The following SPAG16 variants were observed in gnomAD, a reference collection of about 807,000 sequenced individuals.
SPAG16 encodes sperm associated antigen 16.
A neutral mutation model predicts 80.4 loss-of-function variants in SPAG16; 86 were observed. The ratio of observed to expected loss-of-function variants is 1.07; its 90% CI spans 0.90 to 1.28. The LOEUF is 1.28. Ranked by LOEUF, SPAG16 falls within the 50% of genes most tolerant of loss-of-function variation. The pLI, the probability that SPAG16 is intolerant of heterozygous loss-of-function variation, is 0.00. For synonymous variants in SPAG16, 294 were observed against 265.9 expected (o/e 1.11, Z -1.03); for missense variants, 870 against 765.3 (o/e 1.14, Z -1.61).
chr2:214,148,456 A>G (rs2055773942), intron 14 of SPAG16, among the ~76,000 whole-genome samples: 1 of 152,016 alleles, frequency 6.6e-6, no homozygotes, highest in Admixed American at 6.6e-5. Flanking sequence ...TTATCCAATT[A>G]CCTTCTTCCT....
chr2:213,761,906 A>C (rs113291891), intron 10 of SPAG16, among the ~76,000 whole-genome samples: 6,108 of 150,790 alleles, frequency 0.041, 390 homozygotes, highest in African/African-American at 0.14. Flanking sequence ...ACAAAAAAAA[A>C]CCCTACAGAC....
chr2:214,291,669 A>C (rs2125932015), intron 15 of SPAG16, among the ~76,000 whole-genome samples: 1 of 152,292 alleles, frequency 6.6e-6, no homozygotes, highest in African/African-American at 2.4e-5. Context: ...TAATCCATTT[A>C]CATTCAAGGT....
At chr2:213,490,216 A>AATTT in intron 10 of SPAG16, 126 bp downstream of exon 10, 2 of 888,050 alleles carry the variant, frequency 2.3e-6, no homozygotes, top group Non-Finnish European at 3.3e-6. Flanking sequence ...TACTCATAGC[A>AATTT]TGAAAGAATC....
Position 214,098,138 on chromosome 2 carries a change from T to C in SPAG16, c.1528-10058T>C, listed in dbSNP as rs186601504. Among the ~76,000 whole-genome samples the C allele has an allele frequency of 1.6e-4, 24 of 152,194 alleles. 1 individual carries two copies. The highest frequency in any genetic ancestry group is 1.2e-3 in the Admixed American group (19 of 15,236). ...TACAACTTTTCATTTTGAGACTGCA[T>C]ATAAGCCCAAAATATATTCATGCAA... On this transcript the variant is annotated intron_variant, in intron 13 of 15. Transcript: ENST00000331683.
intron 10 of SPAG16, among the ~76,000 whole-genome samples, chr2:213,800,306 T>A (rs1353518265): frequency 6.8e-6 from 1 of 146,572 alleles, no homozygotes; most frequent in South Asian, 2.2e-4. Context: ...TTCCCTCCCT[T>A]TCTCCTTCCC....
chr2:214,160,748 C>A (rs1460150302), intron 15 of SPAG16, among the ~76,000 whole-genome samples: 1 of 151,976 alleles, frequency 6.6e-6, no homozygotes, highest in Non-Finnish European at 1.5e-5. Flanking sequence ...CAATTTCTTG[C>A]TTTTTCATTT....
At chr2:213,360,424 C>G (rs192597055) in intron 7 of SPAG16, among the ~76,000 whole-genome samples, 2 of 152,258 alleles carry the variant, frequency 1.3e-5, no homozygotes, top group Admixed American at 1.3e-4. Flanking sequence ...GTGGCCAAAG[C>G]GACTGTCAAA....
intron 10 of SPAG16, among the ~76,000 whole-genome samples, chr2:213,700,671 G>A (rs994444090): frequency 2.6e-5 from 4 of 152,044 alleles, no homozygotes; most frequent in African/African-American, 9.7e-5. Context: ...AATGTGTGAT[G>A]TACCTAATGG....
chr2:214,215,749 T>G (rs1023556753), intron 15 of SPAG16, among the ~76,000 whole-genome samples: 9 of 152,212 alleles, frequency 5.9e-5, no homozygotes, highest in African/African-American at 2.2e-4. Flanking sequence ...CCTCTGTTCC[T>G]TCTGCCAGTT....
At chr2:214,039,333 A>C (rs1365890307) in intron 13 of SPAG16, among the ~76,000 whole-genome samples, 1 of 152,158 alleles carries the variant, frequency 6.6e-6, no homozygotes, top group Non-Finnish European at 1.5e-5. Flanking sequence ...TGGCTGCATA[A>C]ATGTCTTCTT....
intron 14 of SPAG16, among the ~76,000 whole-genome samples, chr2:214,110,380 T>C (rs933502536): frequency 2.7e-5 from 4 of 147,422 alleles, no homozygotes; most frequent in South Asian, 2.3e-4. Flanking sequence ...AGTGAGAACA[T>C]GCGGTGTTTG....
chr2:213,616,128 C>T (rs1423831823), intron 10 of SPAG16, among the ~76,000 whole-genome samples: 1 of 152,170 alleles, frequency 6.6e-6, no homozygotes, highest in African/African-American at 2.4e-5. Flanking sequence ...TTAACAAATG[C>T]TCAAAGCCAT....
At chr2:214,368,984 GC>G (rs1323962600) in intron 15 of SPAG16, among the ~76,000 whole-genome samples, 2 of 151,990 alleles carry the variant, frequency 1.3e-5, no homozygotes, top group South Asian at 4.2e-4. Flanking sequence ...TTTTGGATTT[GC>G]TTCTCACCTT....
chr2:213,720,919 TG>T (rs2066505294), intron 10 of SPAG16, among the ~76,000 whole-genome samples: 1 of 151,528 alleles, frequency 6.6e-6, no homozygotes, highest in Admixed American at 6.6e-5. Flanking sequence ...CTAATTTTTT[TG>T]TATTTTTTAG....
intron 10 of SPAG16, among the ~76,000 whole-genome samples, chr2:213,804,725 CTAACTAA>C (rs2071654263): frequency 7.1e-6 from 1 of 140,260 alleles, no homozygotes; most frequent in African/African-American, 2.5e-5. Context: ...AACTAACTAA[CTAACTAA>C]GATTACGAGA....
At chr2:213,869,693 T>A (rs2075875913) in intron 11 of SPAG16, among the ~76,000 whole-genome samples, 1 of 150,242 alleles carries the variant, frequency 6.7e-6, no homozygotes, top group Non-Finnish European at 1.5e-5. Flanking sequence ...AGGATCATCA[T>A]AGAGAAAAGT....
intron 8 of SPAG16, among the ~76,000 whole-genome samples, chr2:213,370,587 G>A (rs1030868164): frequency 2.8e-4 from 43 of 152,254 alleles, no homozygotes; most frequent in African/African-American, 8.9e-4. Flanking sequence ...ATGTAAGAAA[G>A]CTTAAAGGTT....
At position 213,782,508 on chromosome 2, in the gene SPAG16, T is replaced by C. The variant is rs1208311519; in HGVS notation, c.1071-79977T>C. Among the ~76,000 whole-genome samples the C allele has an allele frequency of 3.3e-5, 5 of 152,224 alleles. No individual in the cohort carries two copies. In the South Asian group the frequency reaches 8.3e-4, roughly 25 times the overall value. On this transcript the variant is annotated intron_variant, in intron 10 of 15. Transcript: ENST00000331683. ...TCAATGAAGTATTTGTTTCAAATAT[T>C]CTTTGATCCCTTTCAAAAAGAAATT...
chr2:213,980,712 G>GTATATATATATATATA (rs1553686607), intron 12 of SPAG16, among the ~76,000 whole-genome samples: 7 of 114,002 alleles, frequency 6.1e-5, no homozygotes, highest in African/African-American at 1.9e-4. Flanking sequence ...GTGTGTGTGT[G>GTATATATATATATATA]TATATATATA....
Sources: allele counts gnomAD v4.1 joint callset (sites outside exome capture counted in the v4.1 genomes callset), GRCh38; gene constraint gnomAD v4.1.1; transcripts MANE v1.5; gene names NCBI Gene and HGNC (gene_info 2026-07-23, HGNC 2026-07-21).